The following KCNQ3 variants were observed in gnomAD, a reference collection of about 807,000 sequenced individuals.
The protein encoded by KCNQ3 is potassium voltage-gated channel subfamily KQT member 3.
Under a neutral mutation model 92.5 loss-of-function variants are expected in KCNQ3, and 30 were observed. The observed-to-expected ratio is 0.32, with a 90% CI of 0.24 to 0.44. The LOEUF (loss-of-function observed/expected upper bound fraction) is 0.44, where lower values mean the gene tolerates loss of function less well. Ranked by LOEUF, KCNQ3 falls within the 20% of genes least tolerant of loss-of-function variation. The pLI is 1.00. For missense variants in KCNQ3, 913 were observed against 1,140.3 expected (o/e 0.80, Z 2.87); for synonymous variants, 450 against 468.8 (o/e 0.96, Z 0.52).
At chr8:132,243,187 G>T (rs899430113) in intron 1 of KCNQ3, among the ~76,000 whole-genome samples, 1 of 152,192 alleles carries the variant, frequency 6.6e-6, no homozygotes, top group African/African-American at 2.4e-5. Context: ...ATAATGTTGA[G>T]CCCATTCTAC....
chr8:132,221,952 C>T (rs1274261556), intron 1 of KCNQ3, among the ~76,000 whole-genome samples: 10 of 152,150 alleles, frequency 6.6e-5, no homozygotes, highest in Non-Finnish European at 1.5e-4. Context: ...AGACCTGAAA[C>T]CATAAAAACC....
Position 132,223,030 on chromosome 8 carries a change from C to T in KCNQ3, c.387-36849G>A, listed in dbSNP as rs141038363. Among the ~76,000 whole-genome samples, 193 of 152,296 alleles carry T rather than the reference C, an allele frequency of 1.3e-3. 1 individual carries two copies. Among genetic ancestry groups the T allele is most frequent in the Non-Finnish European group, 2.1e-3 (144 of 68,018 alleles). ...TCATTACTGGTTGTCCCAGCAAAGG[C>T]TACAGTGTGGGTGGAAGTGCTTTTT... is the stretch of plus-strand genomic sequence containing the variant. On this transcript the variant is annotated intron_variant, in intron 1 of 14. Transcript: ENST00000388996.
intron 1 of KCNQ3, among the ~76,000 whole-genome samples, chr8:132,421,370 C>T (rs1820962054): frequency 6.6e-6 from 1 of 152,194 alleles, no homozygotes; most frequent in Non-Finnish European, 1.5e-5. Flanking sequence ...GAAGCCAACG[C>T]TGGGAAATGG....
chr8:132,252,444 A>T (rs979851810), intron 1 of KCNQ3, among the ~76,000 whole-genome samples: 2 of 152,114 alleles, frequency 1.3e-5, no homozygotes, highest in African/African-American at 4.8e-5. Context: ...TAACTTCAGG[A>T]CAGAAGCTGC....
At chr8:132,461,207 G>A (rs1005381299) in intron 1 of KCNQ3, among the ~76,000 whole-genome samples, 2 of 152,146 alleles carry the variant, frequency 1.3e-5, no homozygotes, top group African/African-American at 4.8e-5. Flanking sequence ...AGGTTTTTGT[G>A]TGGATATAAG....
chr8:132,334,862 TCTGG>T (rs1818322369), intron 1 of KCNQ3, among the ~76,000 whole-genome samples: 1 of 152,152 alleles, frequency 6.6e-6, no homozygotes, highest in South Asian at 2.1e-4. Context: ...CCCCATCCTT[TCTGG>T]CTTGGGTCAT....
intron 1 of KCNQ3, among the ~76,000 whole-genome samples, chr8:132,361,704 G>T (rs1368507442): frequency 6.6e-6 from 1 of 152,012 alleles, no homozygotes; most frequent in East Asian, 1.9e-4. Flanking sequence ...AATACATTTA[G>T]AAAAATCAAA....
intron 1 of KCNQ3, among the ~76,000 whole-genome samples, chr8:132,232,929 G>A (rs1001812309): frequency 3.0e-4 from 45 of 152,246 alleles, no homozygotes; most frequent in South Asian, 2.1e-3. Context: ...CACAGATGCC[G>A]TGTTTTTATG....
At chr8:132,131,322 G>T (rs2130926552) in intron 14 of KCNQ3, among the ~76,000 whole-genome samples, 1 of 152,322 alleles carries the variant, frequency 6.6e-6, no homozygotes, top group Admixed American at 6.5e-5. Flanking sequence ...CTAATGTAGA[G>T]TTAGGCAGAT....
chr8:132,288,076 T>C (rs1026298479), intron 1 of KCNQ3, among the ~76,000 whole-genome samples: 2 of 152,352 alleles, frequency 1.3e-5, no homozygotes, highest in Non-Finnish European at 1.5e-5. Flanking sequence ...TTTTTTGCTT[T>C]CCACATTATA....
At chr8:132,348,934 G>A (rs908407111) in intron 1 of KCNQ3, among the ~76,000 whole-genome samples, 3 of 152,278 alleles carry the variant, frequency 2.0e-5, no homozygotes, top group Non-Finnish European at 4.4e-5. Flanking sequence ...TCTCCCACCT[G>A]TACCCTCGGG....
intron 9 of KCNQ3, among the ~76,000 whole-genome samples, chr8:132,154,553 AGAG>A (rs1278266657): frequency 1.4e-4 from 21 of 152,156 alleles, no homozygotes; most frequent in East Asian, 3.9e-4. Flanking sequence ...GTACTTCTTT[AGAG>A]GAGGGAATGA....
intron 1 of KCNQ3, among the ~76,000 whole-genome samples, chr8:132,439,493 T>C (rs1821479734): frequency 6.6e-6 from 1 of 152,142 alleles, no homozygotes. Flanking sequence ...GAATCTGTGC[T>C]ATGCTAGGTT....
intron 1 of KCNQ3, among the ~76,000 whole-genome samples, chr8:132,283,605 A>C (rs1816595380): frequency 1.3e-5 from 2 of 152,216 alleles, no homozygotes; most frequent in Non-Finnish European, 2.9e-5. Context: ...TGCCTCCATG[A>C]ACATCTTAGT....
rs1490135393 is a variant in KCNQ3 at position 132,277,241 on chromosome 8, T to G, written c.387-91060A>C. On this transcript the variant is annotated intron_variant, in intron 1 of 14. Transcript: ENST00000388996. ...AAACAAAAACTGGGATTCAGAGATGTCGAACAACCTGCTTAAAGTCACACA... is the reference window on the plus strand; with the variant it reads ...AAACAAAAACTGGGATTCAGAGATGGCGAACAACCTGCTTAAAGTCACACA... Among the ~76,000 whole-genome samples the G allele has an allele frequency of 2.0e-5, 3 of 152,186 alleles. No individual in the cohort carries two copies. The East Asian group carries it at 5.8e-4, about 29-fold the overall frequency.
At chr8:132,229,355 C>A (rs1188912974) in intron 1 of KCNQ3, among the ~76,000 whole-genome samples, 1 of 151,918 alleles carries the variant, frequency 6.6e-6, no homozygotes, top group African/African-American at 2.4e-5. Flanking sequence ...ATGACTCAAC[C>A]AAGCCAGTGG....
chr8:132,294,783 T>C (rs1390182738), intron 1 of KCNQ3, among the ~76,000 whole-genome samples: 1 of 152,226 alleles, frequency 6.6e-6, no homozygotes, highest in Non-Finnish European at 1.5e-5. Context: ...GCAACTATCC[T>C]AGGTCAAGTA....
At chr8:132,271,914 T>A (rs1816158880) in intron 1 of KCNQ3, among the ~76,000 whole-genome samples, 2 of 152,202 alleles carry the variant, frequency 1.3e-5, no homozygotes, top group South Asian at 4.1e-4. Context: ...ACCTGGCTGA[T>A]CCTTTTGTGT....
intron 1 of KCNQ3, among the ~76,000 whole-genome samples, chr8:132,237,800 A>G (rs937857577): frequency 6.6e-6 from 1 of 152,188 alleles, no homozygotes; most frequent in African/African-American, 2.4e-5. Context: ...TATAAAAGAA[A>G]TTTGTCATTA....
Sources: allele counts gnomAD v4.1 joint callset (sites outside exome capture counted in the v4.1 genomes callset), GRCh38; gene constraint gnomAD v4.1.1; transcripts MANE v1.5; gene names NCBI Gene and HGNC (gene_info 2026-07-23, HGNC 2026-07-21).